LRTM3: variants seen among roughly 807,000 people sequenced by gnomAD.
LRTM3 encodes leucine rich repeat transmembrane protein 3, also known as leucine-rich repeat transmembrane protein 3.
chr13:102,738,217 T>C, the LRTM3 span: 1 of 1,550,986 alleles, frequency 6.4e-7, no homozygotes, highest in Non-Finnish European at 8.7e-7. Context: ...CTGATATTTT[T>C]ACTTCATCGT....
At chr13:102,750,376 A>G in the LRTM3 span, 1 of 1,491,072 alleles carries the variant, frequency 6.7e-7, no homozygotes, top group South Asian at 1.3e-5. Flanking sequence ...TTTTTTCTAA[A>G]AAGGTGCCAA....
At chr13:102,731,050 G>C in the LRTM3 span, 1 of 1,551,418 alleles carries the variant, frequency 6.4e-7, no homozygotes. Flanking sequence ...AGTGCATGAG[G>C]AGTTTGCCTT....
At chr13:102,731,070 C>A in the LRTM3 span, 2 of 1,551,328 alleles carry the variant, frequency 1.3e-6, no homozygotes, top group Non-Finnish European at 8.7e-7. Context: ...TTTTCTTTTA[C>A]TGAGTGGTTT....
chr13:102,754,452 C>T, the LRTM3 span, among the ~76,000 whole-genome samples: 1 of 152,080 alleles, frequency 6.6e-6, no homozygotes, highest in African/African-American at 2.4e-5. Context: ...CAATGCCTGA[C>T]ACAGAGTAGG....
At chr13:102,755,963 T>TATA in the LRTM3 span, among the ~76,000 whole-genome samples, 120 of 93,100 alleles carry the variant, frequency 1.3e-3, 1 homozygote, top group African/African-American at 5.3e-3. Flanking sequence ...ATATATATAT[T>TATA]TTTTTTTTTT....
chr13:102,737,345 CCTT>C, the LRTM3 span: 55 of 1,550,870 alleles, frequency 3.5e-5, no homozygotes, highest in South Asian at 4.5e-4. Context: ...GTCTTCCTCT[CCTT>C]CTTTTCTTGT....
chr13:102,737,406 A>C, the LRTM3 span: 1 of 1,550,924 alleles, frequency 6.4e-7, no homozygotes, highest in Non-Finnish European at 8.7e-7. Context: ...AAATGTAGGA[A>C]GAGAACTGTT....
chr13:102,741,095 T>G, the LRTM3 span: 5 of 1,549,994 alleles, frequency 3.2e-6, no homozygotes, highest in African/African-American at 5.5e-5. Flanking sequence ...ATAAAGTTGA[T>G]GCAATATGCA....
At chr13:102,735,981 C>T in the LRTM3 span, 2 of 1,549,676 alleles carry the variant, frequency 1.3e-6, no homozygotes, top group Non-Finnish European at 1.7e-6. Context: ...AGTGGGAGTG[C>T]CTCTGCCCTC....
the LRTM3 span, among the ~76,000 whole-genome samples, chr13:102,755,962 T>TATACATATATATATATA: frequency 1.8e-5 from 1 of 56,650 alleles, no homozygotes; most frequent in Non-Finnish European, 4.1e-5. Flanking sequence ...TATATATATA[T>TATACATATATATATATA]TTTTTTTTTT....
At chr13:102,733,069 C>A in the LRTM3 span, 1 of 1,551,326 alleles carries the variant, frequency 6.4e-7, no homozygotes, top group African/African-American at 1.4e-5. Flanking sequence ...GGCTGAGGTG[C>A]GCTGTTGTTT....
At chr13:102,754,978 A>C in the LRTM3 span, among the ~76,000 whole-genome samples, 1 of 152,240 alleles carries the variant, frequency 6.6e-6, no homozygotes, top group Non-Finnish European at 1.5e-5. Context: ...TTTGAAAGTC[A>C]GGTGGTTGGT....
At chr13:102,756,975 A>G in the LRTM3 span, among the ~76,000 whole-genome samples, 1 of 152,132 alleles carries the variant, frequency 6.6e-6, no homozygotes, top group Non-Finnish European at 1.5e-5. Flanking sequence ...TGAAGCTAAA[A>G]ATCCTTTTTT....
At chr13:102,744,265 T>C in the LRTM3 span, 2 of 1,550,394 alleles carry the variant, frequency 1.3e-6, no homozygotes, top group Non-Finnish European at 1.7e-6. Flanking sequence ...CTATAAACTC[T>C]AATGTATAGC....
At chr13:102,736,537 T>G in the LRTM3 span, 3 of 1,551,204 alleles carry the variant, frequency 1.9e-6, no homozygotes, top group Non-Finnish European at 2.6e-6. Flanking sequence ...GCATAAAGCT[T>G]CTTGTTATTC....
the LRTM3 span, chr13:102,740,110 C>G: frequency 6.5e-7 from 1 of 1,548,240 alleles, no homozygotes; most frequent in Non-Finnish European, 8.7e-7. Context: ...CTTTTTGTAC[C>G]TTTTCATTTG....
the LRTM3 span, chr13:102,748,528 T>C: frequency 6.4e-7 from 1 of 1,550,804 alleles, no homozygotes; most frequent in South Asian, 1.2e-5. Flanking sequence ...GATGGGAATT[T>C]TCTGAACTTT....
the LRTM3 span, among the ~76,000 whole-genome samples, chr13:102,755,229 C>A: frequency 6.6e-6 from 1 of 151,382 alleles, no homozygotes; most frequent in African/African-American, 2.4e-5. Context: ...CCCCAGCTAC[C>A]CCCTTTCTCC....
chr13:102,743,070 G>C, the LRTM3 span: 1 of 1,550,338 alleles, frequency 6.5e-7, no homozygotes, highest in South Asian at 1.2e-5. Flanking sequence ...GATTTACCAA[G>C]ATGACGATCC....
Sources: gnomAD v4.1 joint callset for allele counts (sites outside exome capture counted in the v4.1 genomes callset) on GRCh38, gnomAD v4.1.1 for gene constraint, MANE v1.5 for transcripts, NCBI Gene and HGNC (gene_info 2026-07-23, HGNC 2026-07-21) for gene names.